GPHN: variants seen among roughly 807,000 people sequenced by gnomAD.
GPHN encodes gephyrin.
In GPHN, 17 loss-of-function variants were observed where a neutral mutation model predicts 95.5. The ratio of observed to expected loss-of-function variants is 0.18; its 90% confidence interval spans 0.12 to 0.27. The LOEUF (loss-of-function observed/expected upper bound fraction) is 0.27, where lower values mean the gene tolerates loss of function less well. Ranked by LOEUF, GPHN falls within the 10% of genes least tolerant of loss-of-function variation. GPHN has a pLI of 1.00. For missense variants in GPHN, 660 were observed against 978.1 expected, an observed-to-expected ratio of 0.67 and a Z score of 4.34; for synonymous variants, 320 against 322.5, an observed-to-expected ratio of 0.99 and a Z score of 0.08.
intron 1 of GPHN, among the ~76,000 whole-genome samples, chr14:66,571,832 A>T (rs998464267): frequency 4.6e-5 from 7 of 152,056 alleles, no homozygotes; most frequent in African/African-American, 1.7e-4. Context: ...CAAAAAACAA[A>T]CAAAATACCA....
intron 13 of GPHN, 53 bp downstream of exon 13, chr14:67,100,964 G>A: frequency 9.6e-7 from 1 of 1,047,092 alleles, no homozygotes; most frequent in Non-Finnish European, 1.5e-6. Flanking sequence ...ATGGACTTTG[G>A]GCATCTAATT....
intron 16 of GPHN, 96 bp downstream of exon 16, chr14:67,113,267 T>G: frequency 1.8e-6 from 2 of 1,135,438 alleles, no homozygotes; most frequent in Non-Finnish European, 2.7e-6. Flanking sequence ...TGTTGTAGAT[T>G]ATAGATCATA....
At chr14:67,446,821 CA>C in the GPHN span, among the ~76,000 whole-genome samples, 1 of 152,036 alleles carries the variant, frequency 6.6e-6, no homozygotes, top group Non-Finnish European at 1.5e-5. Flanking sequence ...TCAACTAGAC[CA>C]GGGGTTGGCG....
chr14:66,970,023 A>G (rs1230911663), intron 9 of GPHN, among the ~76,000 whole-genome samples: 1 of 151,164 alleles, frequency 6.6e-6, no homozygotes, highest in African/African-American at 2.4e-5. Flanking sequence ...CTATAGTCAC[A>G]TATGTTCCTG....
At chr14:67,720,078 C>A in the GPHN span, among the ~76,000 whole-genome samples, 1 of 152,210 alleles carries the variant, frequency 6.6e-6, no homozygotes, top group African/African-American at 2.4e-5. Context: ...TCTTCACATG[C>A]TTGCCAGTGG....
intron 1 of GPHN, among the ~76,000 whole-genome samples, chr14:66,623,450 C>A (rs1285175936): frequency 6.6e-6 from 1 of 151,750 alleles, no homozygotes; most frequent in Non-Finnish European, 1.5e-5. Context: ...AAATACAAAG[C>A]CTACTAAAAA....
At chr14:67,480,662 G>T in the GPHN span, among the ~76,000 whole-genome samples, 1 of 152,142 alleles carries the variant, frequency 6.6e-6, no homozygotes, top group Non-Finnish European at 1.5e-5. Flanking sequence ...TGACCTGCAC[G>T]TATCCCCCTG....
the GPHN span, among the ~76,000 whole-genome samples, chr14:67,646,279 C>T: frequency 6.6e-6 from 1 of 152,166 alleles, no homozygotes; most frequent in Non-Finnish European, 1.5e-5. Context: ...CGGCTGTTGG[C>T]AACTTGAGAT....
chr14:67,647,765 G>A, the GPHN span: 3 of 365,398 alleles, frequency 8.2e-6, no homozygotes, highest in Admixed American at 8.5e-5. Flanking sequence ...AGTATAAGAG[G>A]TTCTAATACC....
At chr14:67,083,995 G>C (rs565988897) in intron 11 of GPHN, among the ~76,000 whole-genome samples, 26 of 152,206 alleles carry the variant, frequency 1.7e-4, no homozygotes, top group Non-Finnish European at 2.6e-4. Context: ...TTCAAACAGT[G>C]ACTGAGTGCC....
At chr14:67,525,258 T>A in the GPHN span, among the ~76,000 whole-genome samples, 2 of 152,142 alleles carry the variant, frequency 1.3e-5, no homozygotes, top group Admixed American at 1.3e-4. Flanking sequence ...ATGTATACAG[T>A]TTTACATAAA....
chr14:67,503,644 G>A, the GPHN span: 3 of 152,016 alleles, frequency 2.0e-5, no homozygotes, highest in Admixed American at 1.3e-4. Context: ...CCAATTATGT[G>A]ACTTGGACAT....
At chr14:67,665,437 A>G in the GPHN span, among the ~76,000 whole-genome samples, 11 of 151,374 alleles carry the variant, frequency 7.3e-5, no homozygotes, top group African/African-American at 2.4e-5. Context: ...ACACACAGCT[A>G]ATTTTTTTTT....
chr14:67,001,037 G>T (rs1449691606), intron 9 of GPHN, among the ~76,000 whole-genome samples: 1 of 151,482 alleles, frequency 6.6e-6, no homozygotes, highest in Non-Finnish European at 1.5e-5. Context: ...TGAAAATAGG[G>T]CAAGAAAAAT....
At chr14:67,178,343 A>G (rs1010089239) in intron 21 of GPHN, among the ~76,000 whole-genome samples, 40 of 152,310 alleles carry the variant, frequency 2.6e-4, no homozygotes, top group African/African-American at 9.4e-4. Context: ...TGGATATGAA[A>G]TTCTGGGTTG....
In GPHN at chr14:66,671,761, C is replaced by A. The variant is rs549154519; in HGVS notation, c.65-9346C>A. Among the ~76,000 whole-genome samples, 20 of 152,216 alleles carry A rather than the reference C, an allele frequency of 1.3e-4. No homozygotes were observed. In the South Asian group the frequency reaches 4.1e-3, roughly 32 times the overall value. On this transcript the variant is annotated intron_variant, in intron 1 of 22. Coordinates refer to ENST00000478722, the MANE Select transcript of GPHN (RefSeq NM_020806.5). ...TCAGATTCTTGATTCATGTCTTGTT[C>A]ATAATATTCCTTTATTATCCCTTTA...
intron 11 of GPHN, among the ~76,000 whole-genome samples, chr14:67,075,721 A>G (rs1161573324): frequency 6.6e-6 from 1 of 152,218 alleles, no homozygotes; most frequent in African/African-American, 2.4e-5. Context: ...CAGTGGAAGA[A>G]GTAACTACGA....
the GPHN span, chr14:67,228,267 C>A: frequency 4.7e-6 from 1 of 211,874 alleles, no homozygotes; most frequent in Non-Finnish European, 8.0e-6. Context: ...TTTTTTATAT[C>A]AAGAAGAAAA....
chr14:66,682,779 A>G (rs2067020778), intron 2 of GPHN, among the ~76,000 whole-genome samples: 1 of 152,164 alleles, frequency 6.6e-6, no homozygotes, highest in Admixed American at 6.6e-5. Context: ...TATTATTTGT[A>G]AGATATGTTT....
Sources: gnomAD v4.1 joint callset for allele counts (sites outside exome capture counted in the v4.1 genomes callset) on GRCh38, gnomAD v4.1.1 for gene constraint, MANE v1.5 for transcripts, NCBI Gene and HGNC (gene_info 2026-07-23, HGNC 2026-07-21) for gene names.